The following ATP8B4 variants were observed in gnomAD, a reference collection of about 807,000 sequenced individuals.
The protein encoded by ATP8B4 is probable phospholipid-transporting ATPase IM.
ATP8B4 carries 133 observed loss-of-function variants against 145.6 expected under a neutral mutation model. That is an observed-to-expected ratio of 0.91 (90% CI 0.79 to 1.05). The LOEUF is 1.05. Ranked by LOEUF, ATP8B4 falls within the 50% of genes least tolerant of loss-of-function variation. The pLI, the probability that ATP8B4 is intolerant of heterozygous loss-of-function variation, is 0.00. For synonymous variants in ATP8B4, 507 were observed against 492.9 expected (o/e 1.03, Z -0.38); for missense variants, 1,458 against 1,425.2 (o/e 1.02, Z -0.37).
At chr15:49,972,877 A>G in intron 12 of ATP8B4, 87 bp from the exon 13 acceptor site, 1 of 1,363,336 alleles carries the variant, frequency 7.3e-7, no homozygotes, top group Non-Finnish European at 1.0e-6. Context: ...GAAGTCTGCC[A>G]AAGTCTCCAG....
At chr15:49,869,447 G>A (rs2033348312) in intron 25 of ATP8B4, among the ~76,000 whole-genome samples, 1 of 151,858 alleles carries the variant, frequency 6.6e-6, no homozygotes, top group African/African-American at 2.4e-5. Context: ...TCAGGCAAAT[G>A]TAAACTAAAA....
chr15:50,102,522 CAACCCTCCTAGATTA>C (rs1555489955), intron 2 of ATP8B4, among the ~76,000 whole-genome samples: 1 of 152,036 alleles, frequency 6.6e-6, no homozygotes, highest in Non-Finnish European at 1.5e-5. Context: ...TGGAAATATA[CAACCCTCCTAGATTA>C]AACCGGGAAC....
chr15:49,862,107 A>C (rs1173847345), intron 27 of ATP8B4, 138 bp downstream of exon 27: 1 of 1,102,918 alleles, frequency 9.1e-7, no homozygotes, highest in Admixed American at 2.4e-5. Context: ...ATCTATTCTG[A>C]TGTGATCTCA....
chr15:50,137,775 G>T (rs1161726290), intron 1 of ATP8B4, among the ~76,000 whole-genome samples: 1 of 152,096 alleles, frequency 6.6e-6, no homozygotes, highest in African/African-American at 2.4e-5. Flanking sequence ...GAGCTGGGAG[G>T]GTCGTCATCT....
At position 49,934,080 on chromosome 15, in the gene ATP8B4, C is replaced by A; in HGVS notation, c.1390G>T (p.Val464Phe). ...GCAAGTAACCTAAGGAATTCATGAACTTTGGGATCACCCATTTTAATGGAT... is the reference window on the plus strand; with the variant it reads ...GCAAGTAACCTAAGGAATTCATGAAATTTGGGATCACCCATTTTAATGGAT... Reference protein sequence around the residue: ...MESIKMGDPKVHEFLRLLALC... With the variant: ...MESIKMGDPKFHEFLRLLALC... The change falls in exon 15 of 28, where the codon GTT (valine) becomes TTT (phenylalanine). Residue 464 changes from valine (V) to phenylalanine (F), a missense_variant. Physicochemically the swap from Val to Phe is conservative, Grantham distance 50. Coordinates refer to ENST00000284509, the MANE Select transcript of ATP8B4 (RefSeq NM_024837.4). 6.2e-7 allele frequency: 1 copy of A among 1,612,778 alleles called. No individual in the cohort carries two copies. Among genetic ancestry groups the A allele is most frequent in the Non-Finnish European group, 8.5e-7 (1 of 1,179,186 alleles).
intron 20 of ATP8B4, chr15:49,908,204 G>C: frequency 2.3e-6 from 1 of 427,074 alleles, no homozygotes. Flanking sequence ...TTAAAATCTA[G>C]ATCTGTTTGC....
chr15:49,915,462 T>G (rs1158463349), intron 20 of ATP8B4, among the ~76,000 whole-genome samples: 1 of 152,064 alleles, frequency 6.6e-6, no homozygotes, highest in Non-Finnish European at 1.5e-5. Flanking sequence ...AGAGAGGACT[T>G]TCTTTCCCAA....
intron 3 of ATP8B4, among the ~76,000 whole-genome samples, chr15:50,050,839 T>G (rs1174602920): frequency 1.3e-5 from 2 of 152,124 alleles, no homozygotes; most frequent in Non-Finnish European, 2.9e-5. Context: ...AAAGATAACA[T>G]GAGAAATTTG....
At chr15:50,106,626 G>A (rs2056694474) in intron 2 of ATP8B4, among the ~76,000 whole-genome samples, 1 of 152,150 alleles carries the variant, frequency 6.6e-6, no homozygotes, top group African/African-American at 2.4e-5. Context: ...AACACATACT[G>A]TATGATTTCA....
chr15:49,968,664 C>G (rs990268008), intron 13 of ATP8B4, among the ~76,000 whole-genome samples: 2 of 152,152 alleles, frequency 1.3e-5, no homozygotes, highest in African/African-American at 4.8e-5. Context: ...GACTCCCACA[C>G]AATTATAGTG....
In ATP8B4 at chr15:49,999,887, G is replaced by A. The variant is rs530360407; in HGVS notation, c.506+2266C>T. Among the ~76,000 whole-genome samples, 65 of 152,108 alleles carry A rather than the reference G, an allele frequency of 4.3e-4. No homozygotes were observed. The South Asian group carries it at 0.013, about 30-fold the overall frequency. Reference sequence around the variant, plus strand: ...CTTAACACCTGGAAACTACTAATCTGTTCTCTATTTCCATGATTTTGCCTT... The same window carrying A: ...CTTAACACCTGGAAACTACTAATCTATTCTCTATTTCCATGATTTTGCCTT... On this transcript the variant is annotated intron_variant, in intron 8 of 27. Coordinates refer to ENST00000284509, the MANE Select transcript of ATP8B4 (RefSeq NM_024837.4).
chr15:50,158,064 G>A (rs1157034327), intron 1 of ATP8B4, among the ~76,000 whole-genome samples: 1 of 152,226 alleles, frequency 6.6e-6, no homozygotes, highest in Non-Finnish European at 1.5e-5. Context: ...GTGCTCAGTG[G>A]TGCCCAGGCT....
At chr15:50,057,991 T>C (rs369507257) in intron 3 of ATP8B4, among the ~76,000 whole-genome samples, 1 of 151,670 alleles carries the variant, frequency 6.6e-6, no homozygotes, top group Non-Finnish European at 1.5e-5. Context: ...GGACTGAAAA[T>C]ACAGACAGAA....
At chr15:50,179,815 G>A (rs1015625153) in intron 1 of ATP8B4, among the ~76,000 whole-genome samples, 3 of 152,194 alleles carry the variant, frequency 2.0e-5, no homozygotes, top group African/African-American at 7.2e-5. Context: ...CTTGCCTCCA[G>A]AAGTCTGAGA....
chr15:49,972,394 C>T (rs1055704833), intron 13 of ATP8B4, among the ~76,000 whole-genome samples, 188 bp downstream of exon 13: 2 of 152,092 alleles, frequency 1.3e-5, no homozygotes. Context: ...CAACATTTAT[C>T]CAATACATAT....
chr15:49,900,925 T>C (rs1423869089), intron 21 of ATP8B4, among the ~76,000 whole-genome samples, 167 bp downstream of exon 21: 1 of 152,150 alleles, frequency 6.6e-6, no homozygotes, highest in East Asian at 1.9e-4. Context: ...ATGAGATATA[T>C]ATTAGAAGTT....
intron 27 of ATP8B4, 121 bp from the exon 28 acceptor site, chr15:49,860,596 G>T (rs2031492632): frequency 8.3e-7 from 1 of 1,212,086 alleles, no homozygotes; most frequent in Non-Finnish European, 1.1e-6. Flanking sequence ...GCAAAAGGAA[G>T]TTTTAAATCT....
intron 14 of ATP8B4, among the ~76,000 whole-genome samples, chr15:49,943,372 C>A: frequency 6.7e-6 from 1 of 148,782 alleles, no homozygotes; most frequent in African/African-American, 2.5e-5. Context: ...TCAAGAAGCC[C>A]AAAGATCACC....
At chr15:50,176,549 T>C (rs1261006153) in intron 1 of ATP8B4, among the ~76,000 whole-genome samples, 1 of 151,718 alleles carries the variant, frequency 6.6e-6, no homozygotes, top group East Asian at 1.9e-4. Context: ...AATTAAAAAA[T>C]AAAAAACAAA....
Sources: gnomAD v4.1 joint callset for allele counts (sites outside exome capture counted in the v4.1 genomes callset) on GRCh38, gnomAD v4.1.1 for gene constraint, MANE v1.5 for transcripts, NCBI Gene and HGNC (gene_info 2026-07-23, HGNC 2026-07-21) for gene names.